The following MCC variants were observed in gnomAD, a reference collection of about 807,000 sequenced individuals.
MCC encodes MCC regulator of Wnt signaling pathway, also known as colorectal mutant cancer protein.
A neutral mutation model predicts 116.2 loss-of-function variants in MCC; 90 were observed. That is an observed-to-expected ratio of 0.77 (90% confidence interval 0.65 to 0.92). MCC has a LOEUF of 0.92. Ranked by LOEUF, MCC falls within the 40% of genes least tolerant of loss-of-function variation. The pLI is 0.00. For missense variants in MCC, 1,516 were observed against 1,312.2 expected (o/e 1.16, Z -2.40); for synonymous variants, 578 against 510.5 (o/e 1.13, Z -1.78).
At chr5:113,451,468 C>G (rs1561579636) in intron 1 of MCC, among the ~76,000 whole-genome samples, 1 of 152,218 alleles carries the variant, frequency 6.6e-6, no homozygotes, top group Non-Finnish European at 1.5e-5. Context: ...GGTGCGGTGA[C>G]TCATGCCTGT....
At chr5:113,294,912 TTTCCCC>T in intron 3 of MCC, 1 of 985,374 alleles carries the variant, frequency 1.0e-6, no homozygotes, top group Non-Finnish European at 1.2e-6. Flanking sequence ...CACGCCGAAG[TTTCCCC>T]TTCGAATCGT....
At chr5:113,124,513 C>A (rs191500544) in intron 5 of MCC, among the ~76,000 whole-genome samples, 1 of 152,320 alleles carries the variant, frequency 6.6e-6, no homozygotes. Flanking sequence ...GTATAAATGG[C>A]ATTTGTAAAA....
chr5:113,057,548 C>G (rs941837011), intron 14 of MCC, among the ~76,000 whole-genome samples: 2 of 152,222 alleles, frequency 1.3e-5, no homozygotes, highest in African/African-American at 4.8e-5. Flanking sequence ...TGGAACACCA[C>G]GGGCTATTCC....
intron 1 of MCC, among the ~76,000 whole-genome samples, chr5:113,413,084 C>T (rs144710854): frequency 0.17 from 25,287 of 151,982 alleles, 2,717 homozygotes; most frequent in African/African-American, 0.29. Flanking sequence ...GATTGATTTG[C>T]GTACGTTGAA....
chr5:113,256,467 T>C (rs533178047), intron 3 of MCC, among the ~76,000 whole-genome samples: 5 of 152,088 alleles, frequency 3.3e-5, no homozygotes, highest in East Asian at 1.9e-4. Flanking sequence ...TTATACTGAG[T>C]TTTAGAAAAA....
At chr5:113,075,070 G>T (rs553885115) in intron 11 of MCC, among the ~76,000 whole-genome samples, 1 of 152,292 alleles carries the variant, frequency 6.6e-6, no homozygotes, top group East Asian at 1.9e-4. Flanking sequence ...GAGGTGCGTG[G>T]CACTCGTGGG....
At chr5:113,046,691 A>C (rs1413675286) in intron 16 of MCC, among the ~76,000 whole-genome samples, 6 of 106,366 alleles carry the variant, frequency 5.6e-5, no homozygotes, top group African/African-American at 2.6e-4. Flanking sequence ...AAGGCAAAAA[A>C]AAAAAAAAAA....
At chr5:113,368,881 T>C (rs1768767857) in intron 2 of MCC, among the ~76,000 whole-genome samples, 1 of 152,228 alleles carries the variant, frequency 6.6e-6, no homozygotes, top group South Asian at 2.1e-4. Flanking sequence ...CCAGGTTGTT[T>C]TACCTGTACT....
chr5:113,327,587 A>ATATAT (rs1561525261), intron 3 of MCC, among the ~76,000 whole-genome samples: 9 of 96,624 alleles, frequency 9.3e-5, no homozygotes, highest in Non-Finnish European at 1.4e-4. Flanking sequence ...TATATATATA[A>ATATAT]AAATCTCATC....
intron 3 of MCC, among the ~76,000 whole-genome samples, chr5:113,185,197 A>T (rs1761840675): frequency 1.3e-5 from 2 of 152,182 alleles, no homozygotes; most frequent in Admixed American, 6.5e-5. Flanking sequence ...AGCTGTCTCT[A>T]ACATGAGGTC....
chr5:113,384,400 A>C (rs1485032992), intron 2 of MCC, among the ~76,000 whole-genome samples: 1 of 152,176 alleles, frequency 6.6e-6, no homozygotes, highest in South Asian at 2.1e-4. Context: ...CATCCTGGCT[A>C]ATACGGTGAA....
chr5:113,140,364 G>A (rs993120362), intron 5 of MCC, among the ~76,000 whole-genome samples: 1 of 152,142 alleles, frequency 6.6e-6, no homozygotes. Flanking sequence ...GTAGTTTCCA[G>A]GTATTTGAAT....
intron 17 of MCC, among the ~76,000 whole-genome samples, chr5:113,033,376 G>C (rs1049340830): frequency 1.3e-5 from 2 of 152,192 alleles, no homozygotes; most frequent in Non-Finnish European, 2.9e-5. Context: ...CAAGCACGGG[G>C]CTCACTTTAT....
intron 16 of MCC, among the ~76,000 whole-genome samples, chr5:113,046,520 A>G (rs115751030): frequency 5.9e-5 from 9 of 152,020 alleles, no homozygotes; most frequent in Admixed American, 1.3e-4. Context: ...GCCACTCCAC[A>G]TAACAGTATT....
chr5:113,424,132 TACACACACACACACACACACACACAC>T (rs547192248), intron 1 of MCC, among the ~76,000 whole-genome samples: 2 of 112,660 alleles, frequency 1.8e-5, no homozygotes, highest in South Asian at 3.6e-4. Flanking sequence ...AGTCATCCTC[TACACACACACACACACACACACACAC>T]ACACACACAC....
chr5:113,151,368 G>A lies in MCC; in HGVS notation c.682C>T (p.Arg228Cys), dbSNP rs142829335. 2.0e-5 allele frequency: 32 copies of A among 1,613,660 alleles called. No homozygotes were observed. The highest frequency in any genetic ancestry group is 4.5e-5 in the East Asian group (2 of 44,860). ...LKGDIVELNK[R>C]LQQTERERDL... ...CGTTCCCTCTCTGTTTGCTGGAGACGTTTATTAAGTTCCACTATATCTCCC... is the reference window on the plus strand; with the variant it reads ...CGTTCCCTCTCTGTTTGCTGGAGACATTTATTAAGTTCCACTATATCTCCC... The change falls in exon 4 of 19, where the codon CGT becomes TGT. Residue 228 changes from arginine (R) to cysteine (C), a missense_variant. Physicochemically the swap from Arg to Cys is radical, Grantham distance 180. Transcript: ENST00000408903.
intron 1 of MCC, among the ~76,000 whole-genome samples, chr5:113,424,187 T>C (rs1770423848): frequency 2.2e-5 from 2 of 90,550 alleles, no homozygotes. Flanking sequence ...ACACACACAT[T>C]CTAATCAGCT....
At chr5:113,318,222 G>T (rs1274721464) in intron 3 of MCC, among the ~76,000 whole-genome samples, 1 of 152,132 alleles carries the variant, frequency 6.6e-6, no homozygotes, top group Non-Finnish European at 1.5e-5. Flanking sequence ...GCCATTTTGA[G>T]ATGAAGACAA....
At chr5:113,098,591 G>A (rs931840700) in intron 8 of MCC, among the ~76,000 whole-genome samples, 1 of 152,158 alleles carries the variant, frequency 6.6e-6, no homozygotes, top group African/African-American at 2.4e-5. Flanking sequence ...AATGAACTAG[G>A]ACCAATAATA....
Sources: gnomAD v4.1 joint callset for allele counts (sites outside exome capture counted in the v4.1 genomes callset) on GRCh38, gnomAD v4.1.1 for gene constraint, MANE v1.5 for transcripts, NCBI Gene and HGNC (gene_info 2026-07-23, HGNC 2026-07-21) for gene names.